CFAP299: variants seen among roughly 807,000 people sequenced by gnomAD.
CFAP299 encodes the protein cilia and flagella associated protein 299.
Under a neutral mutation model 27.0 loss-of-function variants are expected in CFAP299, and 21 were observed. The ratio of observed to expected loss-of-function variants is 0.78; its 90% CI spans 0.55 to 1.12. The LOEUF is 1.12. CFAP299 is among the 50% of genes most tolerant of loss of function. The pLI, the probability that CFAP299 is intolerant of heterozygous loss-of-function variation, is 0.00. For missense variants in CFAP299, 310 were observed against 276.6 expected (o/e 1.12, Z -0.86); for synonymous variants, 104 against 98.1 (o/e 1.06, Z -0.36).
chr4:80,449,251 T>C (rs1252743105), intron 2 of CFAP299, among the ~76,000 whole-genome samples: 1 of 152,164 alleles, frequency 6.6e-6, no homozygotes, highest in Non-Finnish European at 1.5e-5. Flanking sequence ...AGATGAAATA[T>C]TATATATGTA....
chr4:80,567,814 A>C (rs112254967), intron 2 of CFAP299, among the ~76,000 whole-genome samples: 21 of 151,432 alleles, frequency 1.4e-4, no homozygotes, highest in African/African-American at 4.6e-4. Flanking sequence ...GGAAACCAAT[A>C]CATAATTAGA....
At chr4:80,907,210 A>G (rs888083393) in intron 4 of CFAP299, among the ~76,000 whole-genome samples, 1 of 152,148 alleles carries the variant, frequency 6.6e-6, no homozygotes, top group Non-Finnish European at 1.5e-5. Context: ...CAAGTTTCTC[A>G]TCTTCATCTG....
intron 2 of CFAP299, among the ~76,000 whole-genome samples, chr4:80,449,992 T>A (rs1464628687): frequency 1.3e-5 from 2 of 152,180 alleles, no homozygotes; most frequent in African/African-American, 4.8e-5. Context: ...GTAATTTCTC[T>A]CTTCCTCTGC....
chr4:80,803,016 G>T (rs1728690475), intron 3 of CFAP299, among the ~76,000 whole-genome samples: 1 of 151,950 alleles, frequency 6.6e-6, no homozygotes, highest in Non-Finnish European at 1.5e-5. Context: ...AATAAATAGG[G>T]ATTCAGCTCA....
intron 3 of CFAP299, among the ~76,000 whole-genome samples, chr4:80,594,611 A>AT (rs1165802738): frequency 2.0e-5 from 3 of 152,128 alleles, no homozygotes; most frequent in East Asian, 1.9e-4. Context: ...ATACCATTTT[A>AT]TTTTTTTAAT....
At position 80,435,051 on chromosome 4, in the gene CFAP299, GT is replaced by G. The variant is rs749866191; in HGVS notation, c.242+72173del. Among the ~76,000 whole-genome samples the G allele has an allele frequency of 3.8e-4, 58 of 152,290 alleles. 1 individual carries two copies. Among genetic ancestry groups the G allele is most frequent in the Admixed American group, 2.1e-3 (32 of 15,302 alleles). On this transcript the variant is annotated intron_variant, in intron 2 of 5. Coordinates refer to ENST00000358105, the MANE Select transcript of CFAP299 (RefSeq NM_152770.3). ...AAGGAATACAGTTCTGTTAAGAAAG[GT>G]TTTTTGCTGGGTTAGCAACATAATT...
chr4:80,858,350 A>G (rs1044868898), intron 3 of CFAP299, among the ~76,000 whole-genome samples: 3 of 151,958 alleles, frequency 2.0e-5, no homozygotes, highest in Non-Finnish European at 2.9e-5. Context: ...GATCCTTTCA[A>G]AAAACCAGCT....
At chr4:80,795,263 C>T (rs185811356) in intron 3 of CFAP299, among the ~76,000 whole-genome samples, 139 of 152,278 alleles carry the variant, frequency 9.1e-4, no homozygotes, top group African/African-American at 3.2e-3. Context: ...AGTCCCTGAC[C>T]ATACAGCCAA....
chr4:80,603,184 A>C (rs1577920395), intron 3 of CFAP299, among the ~76,000 whole-genome samples: 1 of 152,326 alleles, frequency 6.6e-6, no homozygotes, highest in East Asian at 1.9e-4. Flanking sequence ...TGAAAGGCCA[A>C]ATGTGAAAAC....
At chr4:80,390,494 T>TATATATGTATATATACACAC (rs1406294603) in intron 2 of CFAP299, among the ~76,000 whole-genome samples, 1 of 145,340 alleles carries the variant, frequency 6.9e-6, no homozygotes, top group African/African-American at 2.6e-5. Flanking sequence ...TCTCTCTCTA[T>TATATATGTATATATACACAC]ATATATGTAT....
At chr4:80,394,555 A>T (rs1271334548) in intron 2 of CFAP299, among the ~76,000 whole-genome samples, 1 of 151,934 alleles carries the variant, frequency 6.6e-6, no homozygotes, top group East Asian at 1.9e-4. Flanking sequence ...TTGCAGTTTC[A>T]GTTTCTTACG....
intron 3 of CFAP299, among the ~76,000 whole-genome samples, chr4:80,860,643 G>T (rs1227980561): frequency 2.6e-5 from 4 of 152,206 alleles, no homozygotes; most frequent in Non-Finnish European, 5.9e-5. Context: ...ACCTTCAGCT[G>T]CAGGTCTGTT....
intron 2 of CFAP299, among the ~76,000 whole-genome samples, chr4:80,473,396 G>A (rs902806411): frequency 6.6e-6 from 1 of 151,724 alleles, no homozygotes; most frequent in Non-Finnish European, 1.5e-5. Flanking sequence ...TGGTCCTGAA[G>A]TTTAATTTTA....
intron 3 of CFAP299, among the ~76,000 whole-genome samples, chr4:80,734,492 T>C (rs1211608031): frequency 2.0e-5 from 3 of 152,184 alleles, no homozygotes; most frequent in Non-Finnish European, 2.9e-5. Flanking sequence ...TTGCCCATTT[T>C]TGCTTTGGTT....
chr4:80,411,215 C>T (rs1726704372), intron 2 of CFAP299, among the ~76,000 whole-genome samples: 1 of 152,108 alleles, frequency 6.6e-6, no homozygotes, highest in Admixed American at 6.6e-5. Context: ...TTTCAAAAGC[C>T]ATGAGTGACA....
intron 3 of CFAP299, among the ~76,000 whole-genome samples, chr4:80,694,933 G>A (rs1720991900): frequency 6.6e-6 from 1 of 152,156 alleles, no homozygotes; most frequent in Admixed American, 6.5e-5. Flanking sequence ...TCCATAACCT[G>A]AATTTTTGTT....
chr4:80,869,536 C>T (rs572633842), intron 3 of CFAP299, among the ~76,000 whole-genome samples: 1 of 152,102 alleles, frequency 6.6e-6, no homozygotes, highest in Non-Finnish European at 1.5e-5. Flanking sequence ...TCTTTGGAGA[C>T]GGAGTCTTGG....
At chr4:80,512,239 T>TGTGC (rs1553930037) in intron 2 of CFAP299, among the ~76,000 whole-genome samples, 2 of 151,852 alleles carry the variant, frequency 1.3e-5, no homozygotes, top group Non-Finnish European at 2.9e-5. Context: ...TGTGTGTGTG[T>TGTGC]GTGTGCATGT....
chr4:80,385,494 A>G (rs1291538947), intron 2 of CFAP299, among the ~76,000 whole-genome samples: 2 of 151,700 alleles, frequency 1.3e-5, no homozygotes, highest in African/African-American at 2.4e-5. Flanking sequence ...CCCCTGGCAT[A>G]TTTCATCATA....
Sources: gnomAD v4.1 joint callset for allele counts (sites outside exome capture counted in the v4.1 genomes callset) on GRCh38, gnomAD v4.1.1 for gene constraint, MANE v1.5 for transcripts, NCBI Gene and HGNC (gene_info 2026-07-23, HGNC 2026-07-21) for gene names.